MAP3K15: variants seen among roughly 807,000 people sequenced by gnomAD.
MAP3K15 encodes the protein mitogen-activated protein kinase kinase kinase 15.
Under a neutral mutation model 99.5 loss-of-function variants are expected in MAP3K15, and 124 were observed. That is an observed-to-expected ratio of 1.25 (90% CI 1.08 to 1.45). MAP3K15 has a LOEUF of 1.45. MAP3K15 is among the 40% of genes most tolerant of loss of function. The pLI is 0.00. For missense variants in MAP3K15, 1,242 were observed against 1,079.7 expected (o/e 1.15, Z -2.11); for synonymous variants, 494 against 439.6 (o/e 1.12, Z -1.55).
In MAP3K15 at chrX:19,425,657, C is replaced by G. The variant is rs2063823650; in HGVS notation, c.1313G>C (p.Gly438Ala). ...GTAATTGTTCATTTTCTCCAAGCTC[C>G]CTTTTCTTCCCAACAAACTGTTCAG... is the stretch of plus-strand genomic sequence containing the variant. ...VRLNSLLGRK[G>A]SLEKMNNYWD... The change falls in exon 9 of 29, where the codon GGG becomes GCG. Residue 438 changes from glycine to alanine, a missense_variant. Physicochemically the swap from Gly to Ala is moderately conservative, Grantham distance 60. Coordinates refer to ENST00000338883, the MANE Select transcript of MAP3K15 (RefSeq NM_001001671.4). 8.4e-7 allele frequency: 1 copy of G among 1,197,144 alleles called. No homozygotes were observed. Among genetic ancestry groups the G allele is most frequent in the Non-Finnish European group, 1.1e-6 (1 of 894,134 alleles).
rs186842398 is a variant in MAP3K15, at chrX:19,418,798, G to C, written c.1440-3541C>G. On this transcript the variant is annotated intron_variant, in intron 9 of 28. Transcript: ENST00000338883. ...AAGGGAAGCCAGAGAGAGAGGTCAG[G>C]TTACCCACAAAGGGAAGCCCATCAG... Among the ~76,000 whole-genome samples, 167 of 111,963 alleles carry C rather than the reference G, an allele frequency of 1.5e-3. 1 individual carries two copies. Among genetic ancestry groups the C allele is most frequent in the African/African-American group, 5.2e-3 (161 of 30,842 alleles).
chrX:19,449,474 A>C (rs2064022744), intron 6 of MAP3K15, among the ~76,000 whole-genome samples: 1 of 109,349 alleles, frequency 9.1e-6, no homozygotes, highest in Non-Finnish European at 1.9e-5. Context: ...TTTGTCCCCT[A>C]TGGGACATTT....
intron 19 of MAP3K15, among the ~76,000 whole-genome samples, chrX:19,377,991 G>T (rs927470186): frequency 2.7e-5 from 3 of 112,140 alleles, no homozygotes; most frequent in African/African-American, 9.7e-5. Flanking sequence ...TCGCCGGGCT[G>T]GAGAGAGCAG....
chrX:19,508,962 C>T (rs1035727272), intron 1 of MAP3K15, among the ~76,000 whole-genome samples: 4 of 111,648 alleles, frequency 3.6e-5, no homozygotes, highest in African/African-American at 1.3e-4. Context: ...ATGGGACATG[C>T]CCTGCCCCTC....
chrX:19,498,333 A>G (rs1477053737), intron 1 of MAP3K15, among the ~76,000 whole-genome samples: 1 of 111,262 alleles, frequency 9.0e-6, no homozygotes. Flanking sequence ...GGGTGCTGAC[A>G]TTTACTGAAC....
chrX:19,421,585 G>A (rs11778520), intron 9 of MAP3K15, among the ~76,000 whole-genome samples: 5 of 108,856 alleles, frequency 4.6e-5, no homozygotes, highest in Admixed American at 2.9e-4. Flanking sequence ...AATCAATATC[G>A]TGAAAATGGC....
chrX:19,377,555 G>C (rs7888777), intron 19 of MAP3K15, among the ~76,000 whole-genome samples: 15,370 of 110,559 alleles, frequency 0.14, 1,883 homozygotes, highest in African/African-American at 0.39. Context: ...AAAAAAAAGA[G>C]AGACTTTGTA....
intron 1 of MAP3K15, 50 bp downstream of exon 1, chrX:19,514,851 G>T: frequency 2.4e-6 from 2 of 826,992 alleles, no homozygotes; most frequent in African/African-American, 2.4e-5. Flanking sequence ...GCCCTGGCTC[G>T]TGTGAGGGTA....
intron 9 of MAP3K15, among the ~76,000 whole-genome samples, chrX:19,419,707 A>T (rs1318612068): frequency 9.0e-6 from 1 of 111,169 alleles, no homozygotes; most frequent in Non-Finnish European, 1.9e-5. Flanking sequence ...CATCTACAGA[A>T]CTCTCCACCC....
chrX:19,360,212 C>T lies in MAP3K15; in HGVS notation c.*537G>A, dbSNP rs1477339971. The T allele has an allele frequency of 2.2e-5, 3 of 136,378 alleles. No homozygotes were observed. The highest frequency in any genetic ancestry group is 2.0e-4 in the South Asian group (1 of 5,100). The allele number at this position is 136,378 out of a possible 1,213,427, so 11.2% of individuals were successfully genotyped here. On this transcript the variant is annotated 3_prime_UTR_variant, in exon 29 of 29. Coordinates refer to ENST00000338883, the MANE Select transcript of MAP3K15 (RefSeq NM_001001671.4). ...TATAAATATGAAGCTATTTTCTGTT[C>T]ATATCAAACATTAACTACAAGGCAC...
intron 6 of MAP3K15, among the ~76,000 whole-genome samples, chrX:19,435,364 T>C (rs907669698): frequency 9.0e-6 from 1 of 110,662 alleles, no homozygotes; most frequent in Non-Finnish European, 1.9e-5. Flanking sequence ...TAGCTGTGAC[T>C]ACAGGCACGT....
chrX:19,480,817 C>CA (rs779759257), intron 3 of MAP3K15, among the ~76,000 whole-genome samples: 1,837 of 73,059 alleles, frequency 0.025, 46 homozygotes, highest in African/African-American at 0.08. Flanking sequence ...AACTCTGTCT[C>CA]AAAAAAAAAA....
intron 6 of MAP3K15, among the ~76,000 whole-genome samples, chrX:19,447,883 C>CAAA (rs753152404): frequency 1.5e-4 from 4 of 25,959 alleles, no homozygotes; most frequent in Non-Finnish European, 2.1e-4. Context: ...GACTCCGTCT[C>CAAA]AAAAAAAAAA....
At chrX:19,394,733 C>CTGCTTATA (rs1209555385) in intron 16 of MAP3K15, among the ~76,000 whole-genome samples, 1 of 92,489 alleles carries the variant, frequency 1.1e-5, no homozygotes, top group Non-Finnish European at 2.0e-5. Context: ...CAGAAATAGA[C>CTGCTTATA]TGCTTATATG....
At chrX:19,427,370 G>T (rs758512966) in intron 7 of MAP3K15, among the ~76,000 whole-genome samples, 9 of 111,162 alleles carry the variant, frequency 8.1e-5, no homozygotes, top group Admixed American at 6.8e-4. Flanking sequence ...ACATCGAAAT[G>T]GCATCAATGG....
At chrX:19,426,129 G>A (rs2063827639) in intron 8 of MAP3K15, 102 bp downstream of exon 8, 1 of 449,236 alleles carries the variant, frequency 2.2e-6, no homozygotes, top group Non-Finnish European at 3.5e-6. Flanking sequence ...CTCAAAAAAA[G>A]AATAGAAATA....
chrX:19,472,226 AAATAATAATAAT>A (rs202068828), intron 3 of MAP3K15, among the ~76,000 whole-genome samples: 8,263 of 97,357 alleles, frequency 0.085, 771 homozygotes, highest in African/African-American at 0.25. Context: ...TCTGTCTCAA[AAATAATAATAAT>A]AATAATAATA....
intron 6 of MAP3K15, among the ~76,000 whole-genome samples, chrX:19,445,706 G>A (rs1019408290): frequency 2.1e-4 from 23 of 110,076 alleles, no homozygotes; most frequent in Non-Finnish European, 3.8e-5. Flanking sequence ...ACTTTGGGAG[G>A]CTGAGGCGGG....
At chrX:19,401,200 CT>C (rs1277600806) in intron 13 of MAP3K15, among the ~76,000 whole-genome samples, 31 of 103,665 alleles carry the variant, frequency 3.0e-4, no homozygotes, top group Admixed American at 6.3e-4. Flanking sequence ...TACTCTTTTT[CT>C]TTTTTTTTTT....
Sources: gnomAD v4.1 joint callset for allele counts (sites outside exome capture counted in the v4.1 genomes callset) on GRCh38, gnomAD v4.1.1 for gene constraint, MANE v1.5 for transcripts, NCBI Gene and HGNC (gene_info 2026-07-23, HGNC 2026-07-21) for gene names.